TSPAN7: variants seen among roughly 807,000 people sequenced by gnomAD.
TSPAN7 encodes tetraspanin 7, also known as tetraspanin-7.
TSPAN7 carries 1 observed loss-of-function variant against 17.6 expected under a neutral mutation model. The ratio of observed to expected loss-of-function variants is 0.06; its 90% CI spans 0.02 to 0.27. The LOEUF is 0.27. Among genes scored for constraint, TSPAN7 ranks in the 10% least tolerant of loss-of-function variants. The pLI is 1.00. For missense variants in TSPAN7, 112 were observed against 201.7 expected, an observed-to-expected ratio of 0.56 and a Z score of 2.69; for synonymous variants, 78 against 79.0, an observed-to-expected ratio of 0.99 and a Z score of 0.07.
At chrX:38,578,950 A>G (rs192571214) in intron 1 of TSPAN7, among the ~76,000 whole-genome samples, 100 of 111,260 alleles carry the variant, frequency 9.0e-4, no homozygotes, top group Non-Finnish European at 1.7e-3. Flanking sequence ...ACATAAATAT[A>G]TGGCAAGCCA....
chrX:38,657,768 G>T (rs919160347), intron 1 of TSPAN7, among the ~76,000 whole-genome samples: 3 of 112,458 alleles, frequency 2.7e-5, no homozygotes, highest in Admixed American at 9.4e-5. Flanking sequence ...CTTACAGCAT[G>T]CCTGGAGCCA....
intron 1 of TSPAN7, among the ~76,000 whole-genome samples, chrX:38,655,566 A>G: frequency 9.0e-6 from 1 of 110,873 alleles, no homozygotes; most frequent in Non-Finnish European, 1.9e-5. Flanking sequence ...TATTTATATG[A>G]GAATCTTGCT....
At chrX:38,687,918 A>G (rs1157233781) in intron 7 of TSPAN7, 21 bp from the exon 8 acceptor site, 4 of 309,425 alleles carry the variant, frequency 1.3e-5, no homozygotes, top group South Asian at 1.0e-4. Flanking sequence ...AATCACTCAC[A>G]TGTTCTCATT....
At chrX:38,606,413 G>C (rs1036161874) in intron 1 of TSPAN7, among the ~76,000 whole-genome samples, 3 of 111,801 alleles carry the variant, frequency 2.7e-5, no homozygotes, top group Non-Finnish European at 3.8e-5. Flanking sequence ...CCCAACTTGG[G>C]GGGTGAAAGA....
chrX:38,565,001 T>C (rs1412137694), intron 1 of TSPAN7, among the ~76,000 whole-genome samples: 1 of 111,676 alleles, frequency 9.0e-6, no homozygotes, highest in Admixed American at 9.5e-5. Context: ...TTTTTTTGTT[T>C]ATGCTTTTGG....
chrX:38,645,439 C>T (rs1040305912), intron 1 of TSPAN7, among the ~76,000 whole-genome samples: 3 of 112,059 alleles, frequency 2.7e-5, no homozygotes, highest in Non-Finnish European at 5.6e-5. Flanking sequence ...CCTGTAGTCC[C>T]AGCTACTTGG....
At chrX:38,683,894 T>C (rs2069908723) in intron 6 of TSPAN7, among the ~76,000 whole-genome samples, 1 of 113,041 alleles carries the variant, frequency 8.8e-6, no homozygotes, top group African/African-American at 3.2e-5. Flanking sequence ...ATTTAGCAAA[T>C]GTTGGCTGAT....
chrX:38,630,942 G>C (rs151071462), intron 1 of TSPAN7, among the ~76,000 whole-genome samples: 3 of 112,207 alleles, frequency 2.7e-5, no homozygotes, highest in African/African-American at 9.7e-5. Flanking sequence ...CATCTGTGCT[G>C]TCCATTTATA....
At chrX:38,645,553 G>GA (rs367592185) in intron 1 of TSPAN7, among the ~76,000 whole-genome samples, 5,962 of 100,498 alleles carry the variant, frequency 0.059, 457 homozygotes, top group African/African-American at 0.2. Context: ...TGATTTGAAG[G>GA]AAAAAAAAAA....
chrX:38,687,593 C>A lies in TSPAN7; in HGVS notation c.682-6C>A. 1 of 1,210,353 alleles carries A rather than the reference C, an allele frequency of 8.3e-7. No individual in the cohort carries two copies. On this transcript the variant is annotated splice_polypyrimidine_tract_variant and splice_region_variant and intron_variant, in intron 6 of 7. Transcript: ENST00000378482. ...TTCTCATTTTCGTTTTTCTCCCTGG[C>A]AACAGTTAATTGGCATGCTGCTGGC...
At chrX:38,562,608 G>C in intron 1 of TSPAN7, among the ~76,000 whole-genome samples, 1 of 109,821 alleles carries the variant, frequency 9.1e-6, no homozygotes, top group Middle Eastern at 4.7e-3. Context: ...CTCCAGGCTT[G>C]TGCCTTACCT....
At chrX:38,634,548 T>G (rs1346952266) in intron 1 of TSPAN7, among the ~76,000 whole-genome samples, 1 of 111,561 alleles carries the variant, frequency 9.0e-6, no homozygotes, top group Non-Finnish European at 1.9e-5. Context: ...CAGATCTACA[T>G]CCAGTTGTTT....
At chrX:38,575,416 T>G (rs1271968326) in intron 1 of TSPAN7, among the ~76,000 whole-genome samples, 1 of 112,229 alleles carries the variant, frequency 8.9e-6, no homozygotes, top group Non-Finnish European at 1.9e-5. Flanking sequence ...AATATGATGT[T>G]TGCTTAGAAA....
intron 1 of TSPAN7, among the ~76,000 whole-genome samples, chrX:38,632,060 C>T (rs1389742599): frequency 9.0e-6 from 1 of 111,150 alleles, no homozygotes; most frequent in Non-Finnish European, 1.9e-5. Context: ...ATGGAGAAGA[C>T]ACATCATTTA....
intron 1 of TSPAN7, among the ~76,000 whole-genome samples, chrX:38,613,624 C>T (rs1360605693): frequency 9.0e-6 from 1 of 111,716 alleles, no homozygotes; most frequent in East Asian, 2.8e-4. Flanking sequence ...AGGTCTAGTG[C>T]TTAGTCTGGG....
intron 1 of TSPAN7, among the ~76,000 whole-genome samples, chrX:38,605,612 A>G (rs1187541120): frequency 3.7e-5 from 4 of 106,977 alleles, no homozygotes; most frequent in African/African-American, 1.4e-4. Context: ...AGTCAATCCT[A>G]AGCCAAAAGA....
intron 6 of TSPAN7, among the ~76,000 whole-genome samples, chrX:38,684,502 C>T (rs1380967004): frequency 1.8e-5 from 2 of 111,088 alleles, no homozygotes; most frequent in Non-Finnish European, 3.8e-5. Context: ...GGAGCATGCA[C>T]GCACATCACC....
chrX:38,633,064 G>A (rs1010545859), intron 1 of TSPAN7, among the ~76,000 whole-genome samples: 3 of 112,124 alleles, frequency 2.7e-5, no homozygotes, highest in African/African-American at 9.7e-5. Context: ...TCTTAAGTAT[G>A]TCTTGTTGAA....
chrX:38,684,493 G>T (rs189518496), intron 6 of TSPAN7, among the ~76,000 whole-genome samples: 1 of 111,075 alleles, frequency 9.0e-6, no homozygotes, highest in East Asian at 2.8e-4. Context: ...GTGAGAGATG[G>T]AGCATGCACG....
Sources: gnomAD v4.1 joint callset for allele counts (sites outside exome capture counted in the v4.1 genomes callset) on GRCh38, gnomAD v4.1.1 for gene constraint, MANE v1.5 for transcripts, NCBI Gene and HGNC (gene_info 2026-07-23, HGNC 2026-07-21) for gene names.